Variants in C5orf58 observed in about 807,000 individuals in gnomAD.
The protein encoded by C5orf58 is putative uncharacterized protein C5orf58.
Under a neutral mutation model 2.9 loss-of-function variants are expected in C5orf58, and 2 were observed. The ratio of observed to expected loss-of-function variants is 0.69; its 90% CI spans 0.28 to 2.18. The LOEUF is 2.18. Ranked by LOEUF, C5orf58 falls within the 30% of genes most tolerant of loss-of-function variation. C5orf58 has a pLI of 0.13. For synonymous variants in C5orf58, 37 were observed against 33.4 expected (o/e 1.11, Z -0.37); for missense variants, 96 against 91.7 (o/e 1.05, Z -0.19).
At chr5:170,234,445 A>C (rs1760655680) in intron 2 of C5orf58, among the ~76,000 whole-genome samples, 1 of 152,220 alleles carries the variant, frequency 6.6e-6, no homozygotes, top group South Asian at 2.1e-4. Context: ...CAAAATTAAA[A>C]TGTCTGTTAC....
chr5:170,241,684 C>T (rs1442516555), intron 3 of C5orf58, among the ~76,000 whole-genome samples: 5 of 147,810 alleles, frequency 3.4e-5, no homozygotes, highest in Non-Finnish European at 6.0e-5. Context: ...TGGGCTGAGA[C>T]GATGGGGTTT....
intron 3 of C5orf58, among the ~76,000 whole-genome samples, chr5:170,244,617 T>C (rs1355819402): frequency 1.3e-5 from 2 of 152,196 alleles, no homozygotes; most frequent in East Asian, 3.9e-4. Flanking sequence ...CGAGCCTTGG[T>C]TTTCAGCTCC....
intron 3 of C5orf58, among the ~76,000 whole-genome samples, chr5:170,245,596 T>C (rs1384176238): frequency 4.6e-5 from 7 of 152,216 alleles, no homozygotes; most frequent in Admixed American, 3.9e-4. Context: ...CCCCTTGCAC[T>C]TCCCAAGTGA....
downstream of C5orf58, among the ~76,000 whole-genome samples, chr5:170,249,342 T>C (rs928473259): frequency 3.4e-5 from 5 of 145,924 alleles, no homozygotes; most frequent in Non-Finnish European, 7.5e-5. Flanking sequence ...AAAAAATAGA[T>C]AAAATATGTG....
At position 170,244,380 on chromosome 5, in the gene C5orf58, A is replaced by G. The variant is rs554048266; in HGVS notation, c.95-1582A>G. Among the ~76,000 whole-genome samples the G allele has an allele frequency of 7.0e-4, 106 of 150,598 alleles. 1 individual carries two copies. The highest frequency in any genetic ancestry group is 2.3e-3 in the African/African-American group (92 of 40,884). ...ATAGTATCCTGCAGAGTGTTTTCCA[A>G]CTTGGTTCCATTCTCCCCATCACTT... On this transcript the variant is annotated intron_variant, in intron 3 of 3. Coordinates refer to ENST00000593851, the MANE Select transcript of C5orf58 (RefSeq NM_001102609.3).
chr5:170,247,694 G>A (rs1761329420), downstream of C5orf58: 2 of 152,204 alleles, frequency 1.3e-5, no homozygotes, highest in African/African-American at 4.8e-5. Flanking sequence ...GGAAGGATGA[G>A]GAGAAGGGAC....
At chr5:170,244,994 T>C (rs1430229880) in intron 3 of C5orf58, among the ~76,000 whole-genome samples, 2 of 152,238 alleles carry the variant, frequency 1.3e-5, no homozygotes, top group East Asian at 3.8e-4. Flanking sequence ...GTTTTCCTTC[T>C]GACACACAGG....
intron 3 of C5orf58, among the ~76,000 whole-genome samples, chr5:170,244,345 G>T (rs1288302214): frequency 1.3e-5 from 2 of 151,172 alleles, no homozygotes; most frequent in African/African-American, 4.9e-5. Context: ...GATTGGGGAA[G>T]TTCTCCTGGA....
At chr5:170,235,460 C>T (rs1760704593) in intron 3 of C5orf58, among the ~76,000 whole-genome samples, 6 of 152,152 alleles carry the variant, frequency 3.9e-5, no homozygotes, top group Admixed American at 2.0e-4. Context: ...TGACTTAAAG[C>T]TTCTTCATTT....
chr5:170,238,857 A>G (rs1760853274), intron 3 of C5orf58, among the ~76,000 whole-genome samples: 1 of 152,078 alleles, frequency 6.6e-6, no homozygotes. Flanking sequence ...TTTCAGACAT[A>G]TAATTTTATT....
chr5:170,246,760 C>T (rs1052538652), downstream of C5orf58: 16 of 152,304 alleles, frequency 1.1e-4, no homozygotes, highest in African/African-American at 3.9e-4. Context: ...TATCACTGAG[C>T]AGGGTTCTGA....
intron 3 of C5orf58, among the ~76,000 whole-genome samples, chr5:170,236,556 G>T (rs1760747702): frequency 6.6e-6 from 1 of 152,128 alleles, no homozygotes; most frequent in Non-Finnish European, 1.5e-5. Context: ...GCTCACCATT[G>T]TCCTCAGGAT....
At chr5:170,233,088 C>A in intron 1 of C5orf58, 81 bp downstream of exon 1, 1 of 623,514 alleles carries the variant, frequency 1.6e-6, no homozygotes, top group Non-Finnish European at 2.0e-6. Flanking sequence ...TCCAGGCTGC[C>A]CGAGGCTCCA....
intron 3 of C5orf58, chr5:170,237,368 A>G (rs913238249): frequency 7.5e-6 from 3 of 398,158 alleles, no homozygotes; most frequent in African/African-American, 4.1e-5. Context: ...CCTATGAGGT[A>G]GGAACTATTG....
At chr5:170,249,968 C>A (rs1459667473), downstream of C5orf58, among the ~76,000 whole-genome samples, 2 of 152,218 alleles carry the variant, frequency 1.3e-5, no homozygotes, top group Admixed American at 1.3e-4. Flanking sequence ...CCACTGCCAA[C>A]CAGCGATTCA....
At chr5:170,251,852 A>G in exon 3 of C5orf58, 1 of 306,400 alleles carries the variant, frequency 3.3e-6, no homozygotes, top group Non-Finnish European at 6.8e-6. Flanking sequence ...ATGTGCAACT[A>G]CTACTGAGAA....
intron 3 of C5orf58, among the ~76,000 whole-genome samples, chr5:170,245,062 G>C (rs993036920): frequency 1.6e-5 from 2 of 121,382 alleles, no homozygotes; most frequent in African/African-American, 5.4e-5. Flanking sequence ...GTGTGCCCCT[G>C]CTGGGGGGTG....
intron 3 of C5orf58, among the ~76,000 whole-genome samples, chr5:170,240,056 G>T (rs1468354436): frequency 4.0e-5 from 6 of 150,488 alleles, no homozygotes; most frequent in Non-Finnish European, 7.4e-5. Context: ...ATAGTTTACT[G>T]AGAATGATGA....
intron 3 of C5orf58, among the ~76,000 whole-genome samples, chr5:170,236,432 A>T (rs940071920): frequency 1.3e-5 from 2 of 152,222 alleles, no homozygotes; most frequent in African/African-American, 4.8e-5. Context: ...TCACAAATTT[A>T]CAGTACATAT....
Sources: allele counts gnomAD v4.1 joint callset (sites outside exome capture counted in the v4.1 genomes callset), GRCh38; gene constraint gnomAD v4.1.1; transcripts MANE v1.5; gene names NCBI Gene and HGNC (gene_info 2026-07-23, HGNC 2026-07-21).